EPB41L4A: variants seen among roughly 807,000 people sequenced by gnomAD.
The protein encoded by EPB41L4A is band 4.1-like protein 4A.
A neutral mutation model predicts 108.6 loss-of-function variants in EPB41L4A; 100 were observed. That is an observed-to-expected ratio of 0.92 (90% CI 0.78 to 1.09). The LOEUF (loss-of-function observed/expected upper bound fraction) is 1.09. EPB41L4A is among the 50% of genes least tolerant of loss of function. The probability of loss-of-function intolerance (pLI) is 0.00; values close to 1 mark genes in which losing one functional copy is unlikely to be tolerated. For synonymous variants in EPB41L4A, 319 were observed against 289.0 expected, an observed-to-expected ratio of 1.10 and a Z score of -1.05; for missense variants, 1,030 against 842.7, an observed-to-expected ratio of 1.22 and a Z score of -2.75.
chr5:112,188,217 CT>C (rs149945912), intron 17 of EPB41L4A, among the ~76,000 whole-genome samples: 27 of 150,564 alleles, frequency 1.8e-4, no homozygotes, highest in Non-Finnish European at 2.2e-4. Context: ...ATAAAGCAAT[CT>C]TTTTTTTTTC....
intron 18 of EPB41L4A, 106 bp downstream of exon 18, chr5:112,183,910 A>C: frequency 7.5e-7 from 1 of 1,334,364 alleles, no homozygotes; most frequent in Non-Finnish European, 1.0e-6. Flanking sequence ...ACAAATAAAC[A>C]ATGAAATAAT....
intron 2 of EPB41L4A, among the ~76,000 whole-genome samples, chr5:112,301,223 A>C (rs1372404500): frequency 6.6e-6 from 1 of 152,100 alleles, no homozygotes; most frequent in Non-Finnish European, 1.5e-5. Context: ...GTTGAAGAAC[A>C]TTCTTTTATC....
chr5:112,276,634 C>G (rs1028850198), intron 3 of EPB41L4A, among the ~76,000 whole-genome samples: 5 of 152,190 alleles, frequency 3.3e-5, no homozygotes, highest in African/African-American at 9.7e-5. Context: ...GTCTTCGATA[C>G]TATCTAAACT....
At chr5:112,270,484 T>C (rs1421828895) in intron 4 of EPB41L4A, among the ~76,000 whole-genome samples, 1 of 152,076 alleles carries the variant, frequency 6.6e-6, no homozygotes. Flanking sequence ...TGCAGAAAAA[T>C]GGCACATATG....
At chr5:112,346,180 T>C (rs1265711142) in intron 1 of EPB41L4A, among the ~76,000 whole-genome samples, 1 of 140,482 alleles carries the variant, frequency 7.1e-6, no homozygotes, top group Admixed American at 7.6e-5. Context: ...GAAACACACC[T>C]GGTAGAAAAA....
chr5:112,416,483 T>C (rs1762724655), intron 1 of EPB41L4A, among the ~76,000 whole-genome samples: 2 of 152,174 alleles, frequency 1.3e-5, no homozygotes, highest in South Asian at 4.1e-4. Context: ...AAATAAATGT[T>C]AGGAAATGCT....
intron 1 of EPB41L4A, among the ~76,000 whole-genome samples, chr5:112,312,134 T>C (rs535395201): frequency 6.6e-6 from 1 of 152,214 alleles, no homozygotes; most frequent in African/African-American, 2.4e-5. Context: ...TTATAAAGCA[T>C]AAAAAGGATC....
At chr5:112,333,338 C>G (rs1183414933) in intron 1 of EPB41L4A, among the ~76,000 whole-genome samples, 1 of 152,094 alleles carries the variant, frequency 6.6e-6, no homozygotes, top group African/African-American at 2.4e-5. Context: ...CAGGAATGTG[C>G]ATGTCAACTG....
At chr5:112,415,369 C>T (rs1762652813) in intron 1 of EPB41L4A, among the ~76,000 whole-genome samples, 1 of 152,010 alleles carries the variant, frequency 6.6e-6, no homozygotes, top group African/African-American at 2.4e-5. Flanking sequence ...CATCTTACTG[C>T]CATATTGGTT....
At chr5:112,305,924 G>A (rs997971976) in intron 2 of EPB41L4A, among the ~76,000 whole-genome samples, 7 of 152,124 alleles carry the variant, frequency 4.6e-5, no homozygotes, top group African/African-American at 1.7e-4. Flanking sequence ...GGAAAAAAAT[G>A]TTCTTAATTT....
chr5:112,200,800 A>AT (rs1420163335), intron 15 of EPB41L4A, among the ~76,000 whole-genome samples: 2 of 152,142 alleles, frequency 1.3e-5, no homozygotes, highest in African/African-American at 4.8e-5. Context: ...TGAATCCAAC[A>AT]TTTCACCAGA....
intron 9 of EPB41L4A, chr5:112,250,836 A>C (rs940869463): frequency 6.6e-6 from 1 of 152,196 alleles, no homozygotes; most frequent in Non-Finnish European, 1.5e-5. Flanking sequence ...ATACAAAGGC[A>C]GTTCCAACTC....
In EPB41L4A at chr5:112,194,553, A is replaced by G. The variant is rs772088435; in HGVS notation, c.1502+15T>C. 2 of 1,444,212 alleles carry G rather than the reference A, an allele frequency of 1.4e-6. No individual in the cohort carries two copies. Among genetic ancestry groups the G allele is most frequent in the Non-Finnish European group, 9.6e-7 (1 of 1,041,576 alleles). 89.5% of individuals were successfully genotyped at this position (1,444,212 alleles called of 1,614,324 possible). A position where few individuals can be genotyped will look rare whatever the true frequency, so the allele number is the denominator to read the frequency against. On this transcript the variant is annotated intron_variant, in intron 17 of 22. Transcript: ENST00000261486. ...GATTTCAGAGTGCCAGTTAATTATA[A>G]TATTGAGATATTACCTGTTTCTCTT...
Position 112,324,673 on chromosome 5 carries a change from G to C in EPB41L4A, c.100-17183C>G, listed in dbSNP as rs541004207. On this transcript the variant is annotated intron_variant, in intron 1 of 22. Coordinates refer to ENST00000261486, the MANE Select transcript of EPB41L4A (RefSeq NM_022140.5). ...AGGGGCGGAAGTTGCAGTGAGCCGA[G>C]ATCACACCACTGCACTCCATCCTGG... Among the ~76,000 whole-genome samples the C allele has an allele frequency of 1.8e-4, 25 of 141,356 alleles. No individual in the cohort carries two copies. The East Asian group carries it at 5.1e-3, about 29-fold the overall frequency. The allele number at this position is 141,356 out of a possible 152,430, so 92.7% of individuals were successfully genotyped here. A position where few individuals can be genotyped will look rare whatever the true frequency, so the allele number is the denominator to read the frequency against.
chr5:112,288,443 A>T (rs765360799), intron 2 of EPB41L4A, among the ~76,000 whole-genome samples: 8 of 152,172 alleles, frequency 5.3e-5, no homozygotes, highest in Non-Finnish European at 1.2e-4. Flanking sequence ...ACTCCACCGC[A>T]AATACACACT....
intron 22 of EPB41L4A, among the ~76,000 whole-genome samples, chr5:112,167,273 A>T (rs1760308524): frequency 1.3e-5 from 2 of 152,232 alleles, no homozygotes. Flanking sequence ...TGAAACACAA[A>T]TGATTCAGGT....
chr5:112,387,158 G>A (rs189776430), intron 1 of EPB41L4A, among the ~76,000 whole-genome samples: 13 of 152,190 alleles, frequency 8.5e-5, no homozygotes, highest in African/African-American at 2.9e-4. Flanking sequence ...TGGTGACAGC[G>A]CCAGTTCCAT....
downstream of EPB41L4A, among the ~76,000 whole-genome samples, chr5:112,142,213 C>T (rs558786023): frequency 5.3e-5 from 8 of 152,200 alleles, no homozygotes; most frequent in South Asian, 1.7e-3. Context: ...TCCTCTCCTT[C>T]GAATCCCACG....
At chr5:112,246,225 T>C (rs1258637101) in intron 9 of EPB41L4A, among the ~76,000 whole-genome samples, 6 of 152,168 alleles carry the variant, frequency 3.9e-5, no homozygotes, top group Non-Finnish European at 8.8e-5. Context: ...ATGCGTTGTA[T>C]AAGGATGTCT....
Sources: gnomAD v4.1 joint callset for allele counts (sites outside exome capture counted in the v4.1 genomes callset) on GRCh38, gnomAD v4.1.1 for gene constraint, MANE v1.5 for transcripts, NCBI Gene and HGNC (gene_info 2026-07-23, HGNC 2026-07-21) for gene names.